AMPH: variants seen among roughly 807,000 people sequenced by gnomAD.
AMPH encodes amphiphysin (Stiff-Mann syndrome with breast cancer 128kD autoantigen).
In AMPH, 49 loss-of-function variants were observed where a neutral mutation model predicts 99.1. That is an observed-to-expected ratio of 0.49 (90% CI 0.39 to 0.63). The LOEUF is 0.63. Ranked by LOEUF, AMPH falls within the 20% of genes least tolerant of loss-of-function variation. AMPH has a pLI of 0.00. For synonymous variants in AMPH, 314 were observed against 317.3 expected, an observed-to-expected ratio of 0.99 and a Z score of 0.11; for missense variants, 759 against 863.4, an observed-to-expected ratio of 0.88 and a Z score of 1.52.
intron 14 of AMPH, chr7:38,429,168 T>C (rs1445531814): frequency 7.8e-7 from 1 of 1,289,974 alleles, no homozygotes; most frequent in Admixed American, 2.3e-5. Context: ...GCCAGCTGTG[T>C]CCATGGCTGG....
intron 11 of AMPH, among the ~76,000 whole-genome samples, chr7:38,450,761 A>C (rs1786980458): frequency 6.6e-6 from 1 of 151,882 alleles, no homozygotes. Context: ...ATTTCAAGTG[A>C]CTCCAACTTT....
intron 2 of AMPH, among the ~76,000 whole-genome samples, chr7:38,529,472 C>A (rs1309206462): frequency 6.6e-6 from 1 of 152,238 alleles, no homozygotes; most frequent in Non-Finnish European, 1.5e-5. Flanking sequence ...GGCATTGGTA[C>A]AGCACAGGCT....
chr7:38,550,785 G>A (rs1021960502), intron 1 of AMPH, among the ~76,000 whole-genome samples: 1 of 152,126 alleles, frequency 6.6e-6, no homozygotes, highest in Non-Finnish European at 1.5e-5. Flanking sequence ...GGTTGGCTGG[G>A]TTTCGGTTGT....
At chr7:38,537,935 C>T (rs1445423750) in intron 1 of AMPH, among the ~76,000 whole-genome samples, 1 of 152,006 alleles carries the variant, frequency 6.6e-6, no homozygotes, top group African/African-American at 2.4e-5. Context: ...AAGAAAAGAC[C>T]CAAGGAAAAG....
At chr7:38,449,574 T>C (rs1226878185) in intron 11 of AMPH, among the ~76,000 whole-genome samples, 1 of 152,186 alleles carries the variant, frequency 6.6e-6, no homozygotes, top group African/African-American at 2.4e-5. Flanking sequence ...TTAAAACATT[T>C]TCAGAATACC....
intron 19 of AMPH, 143 bp from the exon 20 acceptor site, chr7:38,390,048 G>A: frequency 1.5e-6 from 1 of 647,332 alleles, no homozygotes; most frequent in Non-Finnish European, 2.7e-6. Context: ...AAGCCAGAAG[G>A]GAAGTCCTAT....
chr7:38,590,424 T>C (rs1792813291), intron 1 of AMPH, among the ~76,000 whole-genome samples: 1 of 152,128 alleles, frequency 6.6e-6, no homozygotes, highest in Non-Finnish European at 1.5e-5. Flanking sequence ...AAAGCTCAGC[T>C]TGAGCCAGAA....
intron 2 of AMPH, 67 bp downstream of exon 2, chr7:38,534,864 C>T: frequency 2.2e-6 from 3 of 1,375,766 alleles, no homozygotes; most frequent in South Asian, 1.2e-5. Context: ...ATGCATTTTA[C>T]TTACATACTA....
At chr7:38,447,686 AC>A (rs1183386823) in intron 11 of AMPH, among the ~76,000 whole-genome samples, 1 of 151,880 alleles carries the variant, frequency 6.6e-6, no homozygotes, top group Non-Finnish European at 1.5e-5. Context: ...CCTCAAAAAA[AC>A]CACTTAGAAG....
At chr7:38,483,011 T>C (rs78288846) in intron 5 of AMPH, among the ~76,000 whole-genome samples, 28 of 152,204 alleles carry the variant, frequency 1.8e-4, no homozygotes, top group African/African-American at 5.1e-4. Context: ...TCCAGCCACA[T>C]TGAAACAAGC....
At chr7:38,445,010 T>TATACACACAC (rs1458295332) in intron 11 of AMPH, among the ~76,000 whole-genome samples, 2 of 125,990 alleles carry the variant, frequency 1.6e-5, no homozygotes, top group East Asian at 2.7e-4. Flanking sequence ...TATATATATA[T>TATACACACAC]ACACACACAC....
intron 5 of AMPH, among the ~76,000 whole-genome samples, chr7:38,484,026 G>T (rs1331161052): frequency 6.6e-6 from 1 of 151,982 alleles, no homozygotes; most frequent in Non-Finnish European, 1.5e-5. Flanking sequence ...CAGAAAAAAG[G>T]ATCAATAAAC....
chr7:38,621,210 C>T (rs944525893), intron 1 of AMPH, among the ~76,000 whole-genome samples: 1 of 152,166 alleles, frequency 6.6e-6, no homozygotes, highest in African/African-American at 2.4e-5. Flanking sequence ...TGTTCAAATC[C>T]TCTGACTCTA....
chr7:38,490,952 G>T, intron 5 of AMPH, 98 bp downstream of exon 5: 1 of 718,702 alleles, frequency 1.4e-6, no homozygotes, highest in Non-Finnish European at 2.3e-6. Context: ...TATCTTTGAT[G>T]TCAGTTTGAG....
intron 11 of AMPH, among the ~76,000 whole-genome samples, chr7:38,448,058 T>C (rs1268255792): frequency 6.6e-6 from 1 of 152,194 alleles, no homozygotes; most frequent in East Asian, 1.9e-4. Flanking sequence ...GTAATAGAAA[T>C]ACCTTTCATG....
chr7:38,615,632 G>A (rs1793847289), intron 1 of AMPH, among the ~76,000 whole-genome samples: 1 of 129,332 alleles, frequency 7.7e-6, no homozygotes, highest in Admixed American at 7.9e-5. Flanking sequence ...CAGGGTCAGA[G>A]GGGAGCTACA....
chr7:38,475,469 C>T (rs1271250587), intron 6 of AMPH, 53 bp from the exon 7 acceptor site: 1 of 1,135,314 alleles, frequency 8.8e-7, no homozygotes, highest in Non-Finnish European at 1.3e-6. Flanking sequence ...TTTCTATACA[C>T]AACAGCATCA....
intron 1 of AMPH, among the ~76,000 whole-genome samples, chr7:38,558,096 C>T (rs1241085063): frequency 6.6e-6 from 1 of 152,058 alleles, no homozygotes; most frequent in Non-Finnish European, 1.5e-5. Flanking sequence ...GTAAAAACCG[C>T]AAGACAAAGT....
At chr7:38,475,200 A>T (rs1788036389) in intron 7 of AMPH, 131 bp downstream of exon 7, 2 of 614,056 alleles carry the variant, frequency 3.3e-6, no homozygotes, top group Admixed American at 5.9e-5. Context: ...CATACTGGAA[A>T]GCGCAGATAA....
Sources: gnomAD v4.1 joint callset for allele counts (sites outside exome capture counted in the v4.1 genomes callset) on GRCh38, gnomAD v4.1.1 for gene constraint, MANE v1.5 for transcripts, NCBI Gene and HGNC (gene_info 2026-07-23, HGNC 2026-07-21) for gene names.